Variants in PLEKHH3 observed in about 807,000 individuals in gnomAD.
PLEKHH3 encodes pleckstrin homology domain-containing family H member 3.
A neutral mutation model predicts 77.8 loss-of-function variants in PLEKHH3; 57 were observed. That is an observed-to-expected ratio of 0.73 (90% CI 0.59 to 0.91). The LOEUF (loss-of-function observed/expected upper bound fraction) is 0.91, where lower values mean the gene tolerates loss of function less well. Among genes scored for constraint, PLEKHH3 ranks in the 40% least tolerant of loss-of-function variants. PLEKHH3 has a pLI of 0.00. For synonymous variants in PLEKHH3, 467 were observed against 504.8 expected (o/e 0.93, Z 1.00); for missense variants, 1,082 against 1,091.2 (o/e 0.99, Z 0.12).
At position 42,670,840 on chromosome 17, in the gene PLEKHH3, G is replaced by A. The variant is rs761044877; in HGVS notation, c.1422-135C>T. ...GACAGCGGAGGTGATGCTGCAGTCGGACTGCAAACCTGCGGCGGGCAGGTC... is the reference window on the plus strand; with the variant it reads ...GACAGCGGAGGTGATGCTGCAGTCGAACTGCAAACCTGCGGCGGGCAGGTC... On this transcript the variant is annotated intron_variant, in intron 9 of 12. Transcript: ENST00000591022. 1,071 of 1,520,430 alleles carry A rather than the reference G, an allele frequency of 7.0e-4. 10 individuals carry two copies. Among genetic ancestry groups the A allele is most frequent in the Admixed American group, 1.6e-4 (8 of 50,578 alleles). 94.2% of individuals were successfully genotyped at this position (1,520,430 alleles called of 1,614,324 possible).
rs1217479845 is a variant in PLEKHH3 at position 42,673,921 on chromosome 17, G to A, written c.298+13C>T. On this transcript the variant is annotated intron_variant, in intron 3 of 12. Transcript: ENST00000591022. Reference sequence around the variant, plus strand: ...ATTGGGGGCCTCCAGAGTGCACTGAGGGGGGTCTCTACCTTTCACAACGAT... The same window carrying A: ...ATTGGGGGCCTCCAGAGTGCACTGAAGGGGGTCTCTACCTTTCACAACGAT... 6 of 1,612,912 alleles carry A rather than the reference G, an allele frequency of 3.7e-6. No individual in the cohort carries two copies. Among genetic ancestry groups the A allele is most frequent in the African/African-American group, 1.3e-5 (1 of 74,868 alleles).
chr17:42,668,165 G>A lies in PLEKHH3; in HGVS notation c.2344C>T (p.Gln782Ter). The A allele has an allele frequency of 6.6e-7, 1 of 1,508,844 alleles. No homozygotes were observed. Among genetic ancestry groups the A allele is most frequent in the South Asian group, 1.3e-5 (1 of 75,648 alleles). 93.5% of individuals were successfully genotyped at this position (1,508,844 alleles called of 1,614,324 possible). Residue 782 changes from glutamine (Q) to a stop codon, truncating the protein, a stop_gained, in exon 13 of 13, where the codon CAG becomes TAG. Coordinates refer to ENST00000591022, the MANE Select transcript of PLEKHH3 (RefSeq NM_024927.5). LOFTEE classifies it high-confidence loss of function. ...PSQRPGLDEP[Q>*]GQSGCLGQLQ... ...TGCCCCAAGCAGCCAGACTGTCCCT[G>A]GGGCTCGTCCAGGCCCGGGCGCTGG...
rs112409682 is a variant in PLEKHH3 at position 42,667,931 on chromosome 17, CT to C, written c.*195del. 142,598 of 364,706 alleles carry C rather than the reference CT, an allele frequency of 0.39. 11,633 individuals are homozygous for C. Among genetic ancestry groups the C allele is most frequent in the East Asian group, 0.47 (10,593 of 22,760 alleles). The allele number at this position is 364,706 out of a possible 1,614,324, so 22.6% of individuals were successfully genotyped here. On this transcript the variant is annotated 3_prime_UTR_variant, in exon 13 of 13. Coordinates refer to ENST00000591022, the MANE Select transcript of PLEKHH3 (RefSeq NM_024927.5). ...AGGAAGGGTTTGTGTAAATAAGAAA[CT>C]TTTTTTTTTTTTTTGCTTCTCTTCT...
Position 42,676,916 on chromosome 17 carries a change from A to G in PLEKHH3, c.-353T>C. The G allele has an allele frequency of 4.0e-6, 1 of 252,074 alleles. No homozygotes were observed. The highest frequency in any genetic ancestry group is 5.7e-5 in the Admixed American group (1 of 17,414). The allele number at this position is 252,074 out of a possible 1,614,324, so 15.6% of individuals were successfully genotyped here. A position where few individuals can be genotyped will look rare whatever the true frequency, so the allele number is the denominator to read the frequency against. ...CGAGGTGGGCAGTTGTCCAAGCTCC[A>G]GGGAGGGTCGTGTCCGGTAGGGCGT... On this transcript the variant is annotated 5_prime_UTR_variant, in exon 1 of 13. Coordinates refer to ENST00000591022, the MANE Select transcript of PLEKHH3 (RefSeq NM_024927.5). The surrounding 1 kb of genome is among the most constrained non-coding windows in gnomAD (Gnocchi z 6.6).
chr17:42,670,631 G>A lies in PLEKHH3; in HGVS notation c.1496C>T (p.Pro499Leu). 6.2e-7 allele frequency: 1 copy of A among 1,613,218 alleles called. No individual in the cohort carries two copies. Among genetic ancestry groups the A allele is most frequent in the Non-Finnish European group, 8.5e-7 (1 of 1,179,916 alleles). ...TGGGGACAGCCCCTCAGGGTGCAGA[G>A]GTCCGTGAAGACGCAGACATAGTCT... ...GWRLCLRLHGPLHPEGLSPDG... is the reference protein window; with the variant it reads ...GWRLCLRLHGLLHPEGLSPDG... The change falls in exon 10 of 13, where the codon CCT becomes CTT. Residue 499 changes from proline (P) to leucine (L), a missense_variant. Coordinates refer to ENST00000591022, the MANE Select transcript of PLEKHH3 (RefSeq NM_024927.5).
Position 42,672,085 on chromosome 17 carries a change from C to T in PLEKHH3, c.1076+1G>A, listed in dbSNP as rs1270849425. The stretch of plus-strand genomic sequence containing the variant: ...CGTAACCCCCACCTCGCCCCTCTCA[C>T]CTCTCCAAGTGCCCCAGGAGGTGCC... On this transcript the variant is annotated splice_donor_variant, in intron 7 of 12. Transcript: ENST00000591022. LOFTEE classifies it high-confidence loss of function. 6.8e-7 allele frequency: 1 copy of T among 1,475,052 alleles called. No homozygotes were observed. 91.4% of individuals were successfully genotyped at this position (1,475,052 alleles called of 1,614,324 possible). A position where few individuals can be genotyped will look rare whatever the true frequency, so the allele number is the denominator to read the frequency against.
rs146817895 is a variant in PLEKHH3, at chr17:42,669,387, G to A, written c.2205+43C>T. 32 of 1,478,748 alleles carry A rather than the reference G, an allele frequency of 2.2e-5. No individual in the cohort carries two copies. In the African/African-American group the frequency reaches 2.5e-4, roughly 12 times the overall value. 91.6% of individuals were successfully genotyped at this position (1,478,748 alleles called of 1,614,324 possible). A position where few individuals can be genotyped will look rare whatever the true frequency, so the allele number is the denominator to read the frequency against. Reference sequence around the variant, plus strand: ...TGTTCTGTAAATGCTTCCTGACATCGCTTCCCTTCTCTCCTCCTCCCACAA... The same window carrying A: ...TGTTCTGTAAATGCTTCCTGACATCACTTCCCTTCTCTCCTCCTCCCACAA... On this transcript the variant is annotated intron_variant, in intron 12 of 12. Transcript: ENST00000591022.
In PLEKHH3 at chr17:42,670,239, CG is replaced by C; in HGVS notation, c.1691del (p.Pro564ArgfsTer106). The C allele has an allele frequency of 8.2e-7, 1 of 1,223,524 alleles. No homozygotes were observed. Among genetic ancestry groups the C allele is most frequent in the Non-Finnish European group, 1.0e-6 (1 of 983,108 alleles). 75.8% of individuals were successfully genotyped at this position (1,223,524 alleles called of 1,614,324 possible). A position where few individuals can be genotyped will look rare whatever the true frequency, so the allele number is the denominator to read the frequency against. ...VPLPRLDRLL[P>X]PPAPPREDPP... The stretch of plus-strand genomic sequence containing the variant: ...GGTCTTCGCGCGGCGGGGCCGGGGG[CG>C]GGAGCAGGCGGTCCAGGCGGGGCAG... On this transcript the variant is annotated frameshift_variant, in exon 11 of 13. Coordinates refer to ENST00000591022, the MANE Select transcript of PLEKHH3 (RefSeq NM_024927.5). LOFTEE classifies it high-confidence loss of function.
chr17:42,676,894 G>T lies in PLEKHH3; in HGVS notation c.-331C>A. 3.2e-6 allele frequency: 1 copy of T among 315,226 alleles called. No homozygotes were observed. Among genetic ancestry groups the T allele is most frequent in the Non-Finnish European group, 5.9e-6 (1 of 168,674 alleles). The allele number at this position is 315,226 out of a possible 1,614,324, so 19.5% of individuals were successfully genotyped here. On this transcript the variant is annotated 5_prime_UTR_variant, in exon 1 of 13. Coordinates refer to ENST00000591022, the MANE Select transcript of PLEKHH3 (RefSeq NM_024927.5). The surrounding 1 kb of genome is among the most constrained non-coding windows in gnomAD (Gnocchi z 6.6). Reference sequence around the variant, plus strand: ...GGGCAGTGTCCGGTGCAGCGTCCGAGGTGGGCAGTTGTCCAAGCTCCAGGG... The same window carrying T: ...GGGCAGTGTCCGGTGCAGCGTCCGATGTGGGCAGTTGTCCAAGCTCCAGGG...
Position 42,671,398 on chromosome 17 carries a change from C to A in PLEKHH3, c.1237G>T (p.Ala413Ser), listed in dbSNP as rs767759350. ...TCGATGGCCACAGCACAGGCACCAG[C>A]CCCCGGACAGTGCACGGTACACAGC... ...ELLCTVHCPGAGACAVAIDSH... is the reference protein window; with the variant it reads ...ELLCTVHCPGSGACAVAIDSH... Residue 413 changes from alanine (A) to serine (S), a missense_variant, in exon 8 of 13, where the codon GCT becomes TCT. This residue lies in a region of PLEKHH3 where 733 missense variants were observed against 750.0 expected (regional missense o/e 0.98). Transcript: ENST00000591022. This position sits in a 1 kb window ranked among gnomAD's most constrained non-coding sequence, Gnocchi z 4.7. 1.2e-6 allele frequency: 2 copies of A among 1,613,122 alleles called. No homozygotes were observed. Among genetic ancestry groups the A allele is most frequent in the Non-Finnish European group, 1.7e-6 (2 of 1,180,006 alleles).
chr17:42,676,578 G>A lies in PLEKHH3; in HGVS notation c.-15C>T, dbSNP rs2052833248. ...GGGAGAGGCATCCGGGCGAGGAGCT[G>A]CGGATGGGGGCGCGGGCAGCCGCGG... On this transcript the variant is annotated 5_prime_UTR_variant, in exon 1 of 13. Transcript: ENST00000591022. The surrounding 1 kb of genome is among the most constrained non-coding windows in gnomAD (Gnocchi z 6.6). The A allele has an allele frequency of 1.9e-6, 3 of 1,546,756 alleles. No homozygotes were observed. Among genetic ancestry groups the A allele is most frequent in the Admixed American group, 2.0e-5 (1 of 51,048 alleles).
At position 42,674,360 on chromosome 17, in the gene PLEKHH3, G is replaced by A. The variant is rs868590438; in HGVS notation, c.212C>T (p.Ser71Phe). 6.3e-7 allele frequency: 1 copy of A among 1,584,462 alleles called. No homozygotes were observed. Among genetic ancestry groups the A allele is most frequent in the Non-Finnish European group, 8.6e-7 (1 of 1,167,348 alleles). ...ACGTAGGGGCGTAGCTCACCTGTTG[G>A]AGACAGGCCCGCTCCTCACTGGCTG... The part of the protein sequence containing the change: ...LTQPVRSGPV[S>F]NRLQSWEETW... The change falls in exon 2 of 13, where the codon TCC becomes TTC. Residue 71 changes from serine to phenylalanine, a missense_variant. Transcript: ENST00000591022.
intron 5 of PLEKHH3, 34 bp from the exon 6 acceptor site, chr17:42,673,330 G>C: frequency 3.7e-6 from 6 of 1,605,486 alleles, no homozygotes; most frequent in Non-Finnish European, 5.1e-6. Context: ...CCTTGATGGG[G>C]AAGGGAGTTC....
Position 42,670,563 on chromosome 17 carries a change from A to G in PLEKHH3, c.1554+10T>C, listed in dbSNP as rs774565294. ...GTCTGTTTGGAGGCGTGAACGCCGGAGAGCCTCACCTGCTCAAAGAGGAAA... is the reference window on the plus strand; with the variant it reads ...GTCTGTTTGGAGGCGTGAACGCCGGGGAGCCTCACCTGCTCAAAGAGGAAA... On this transcript the variant is annotated intron_variant, in intron 10 of 12. Coordinates refer to ENST00000591022, the MANE Select transcript of PLEKHH3 (RefSeq NM_024927.5). 486 of 1,601,768 alleles carry G rather than the reference A, an allele frequency of 3.0e-4. 1 individual carries two copies. Among genetic ancestry groups the G allele is most frequent in the Admixed American group, 3.9e-4 (23 of 59,566 alleles).
chr17:42,669,718 C>T (rs946292469), intron 11 of PLEKHH3, 97 bp from the exon 12 acceptor site: 9 of 1,461,454 alleles, frequency 6.2e-6, no homozygotes, highest in African/African-American at 1.4e-5. Context: ...ATCCTGATCC[C>T]CCTATGATTC....
At chr17:42,669,735 C>T (rs748403996) in intron 11 of PLEKHH3, 114 bp from the exon 12 acceptor site, 6 of 1,457,846 alleles carry the variant, frequency 4.1e-6, no homozygotes, top group Middle Eastern at 1.7e-4. Flanking sequence ...ATTCACAGCA[C>T]GTGTGTGGAG....
chr17:42,676,352 C>T lies in PLEKHH3; in HGVS notation c.162+50G>A. On this transcript the variant is annotated intron_variant, in intron 1 of 12. Coordinates refer to ENST00000591022, the MANE Select transcript of PLEKHH3 (RefSeq NM_024927.5). This position sits in a 1 kb window ranked among gnomAD's most constrained non-coding sequence, Gnocchi z 6.6. The stretch of plus-strand genomic sequence containing the variant: ...GGCTGGAGCGGATCAGCGTGACGGC[C>T]GGTTACAGCGAGAGTGATTGAGACG... The T allele has an allele frequency of 6.2e-7, 1 of 1,601,818 alleles. No homozygotes were observed. The highest frequency in any genetic ancestry group is 1.7e-5 in the Admixed American group (1 of 59,416).
chr17:42,671,451 A>G lies in PLEKHH3; in HGVS notation c.1184T>C (p.Ile395Thr). The G allele has an allele frequency of 6.2e-7, 1 of 1,613,068 alleles. No individual in the cohort carries two copies. The highest frequency in any genetic ancestry group is 1.1e-5 in the South Asian group (1 of 91,070). The stretch of plus-strand genomic sequence containing the variant: ...CTCCTGCCGTTGGCTCAACGCGGAA[A>G]TCTCCGCCAGCGAGGGCACCAGCTC... Reference protein sequence around the residue: ...GRELVPSLAEISALSQRQELL... With the variant: ...GRELVPSLAETSALSQRQELL... Residue 395 changes from isoleucine to threonine, a missense_variant, in exon 8 of 13, where the codon ATT (isoleucine) becomes ACT (threonine). By Grantham distance (89) the Ile-to-Thr change is moderately conservative. Coordinates refer to ENST00000591022, the MANE Select transcript of PLEKHH3 (RefSeq NM_024927.5). This position sits in a 1 kb window ranked among gnomAD's most constrained non-coding sequence, Gnocchi z 4.7.
In PLEKHH3 at chr17:42,676,040, G is replaced by A; in HGVS notation, c.162+362C>T. ...AGCGGAGGGGGACCCAGGCGTTCGA[G>A]CCGCCCAGCCGGCCTCGCCACATTC... On this transcript the variant is annotated intron_variant, in intron 1 of 12. Transcript: ENST00000591022. This position sits in a 1 kb window ranked among gnomAD's most constrained non-coding sequence, Gnocchi z 6.6. The A allele has an allele frequency of 2.7e-6, 3 of 1,119,282 alleles. No individual in the cohort carries two copies. The highest frequency in any genetic ancestry group is 1.3e-4 in the East Asian group (2 of 14,826). The allele number at this position is 1,119,282 out of a possible 1,614,324, so 69.3% of individuals were successfully genotyped here.
Sources: gnomAD v4.1 joint callset for allele counts on GRCh38, gnomAD v4.1.1 for gene constraint, gnomAD v4.1.1 regional missense constraint, Gnocchi (gnomAD v3.1) non-coding constraint, MANE v1.5 for transcripts, NCBI Gene and HGNC (gene_info 2026-07-23, HGNC 2026-07-21) for gene names.